Variants in KDM4C observed in about 807,000 individuals in gnomAD.
The protein encoded by KDM4C is lysine-specific demethylase 4C.
In KDM4C, 81 loss-of-function variants were observed where a neutral mutation model predicts 129.3. That is an observed-to-expected ratio of 0.63 (90% confidence interval 0.52 to 0.75). The LOEUF (loss-of-function observed/expected upper bound fraction) is 0.75, where lower values mean the gene tolerates loss of function less well. Among genes scored for constraint, KDM4C ranks in the 30% least tolerant of loss-of-function variants. KDM4C has a pLI of 0.00. For synonymous variants in KDM4C, 573 were observed against 456.1 expected, an observed-to-expected ratio of 1.26 and a Z score of -3.26; for missense variants, 1,457 against 1,304.0, an observed-to-expected ratio of 1.12 and a Z score of -1.81.
intron 9 of KDM4C, among the ~76,000 whole-genome samples, chr9:6,981,495 G>A (rs1262124453): frequency 6.6e-6 from 1 of 152,056 alleles, no homozygotes; most frequent in African/African-American, 2.4e-5. Context: ...GGCTTTAGTG[G>A]TTATCTTCTT....
intron 8 of KDM4C, among the ~76,000 whole-genome samples, chr9:6,954,265 T>C (rs1372597678): frequency 6.6e-6 from 1 of 152,212 alleles, no homozygotes; most frequent in Non-Finnish European, 1.5e-5. Flanking sequence ...CTCCTGAGAC[T>C]CTTGGAATGT....
At chr9:7,137,428 T>C (rs1841328978) in intron 19 of KDM4C, among the ~76,000 whole-genome samples, 1 of 152,244 alleles carries the variant, frequency 6.6e-6, no homozygotes, top group Non-Finnish European at 1.5e-5. Flanking sequence ...TAATATCAGA[T>C]TGTCACCATT....
intron 8 of KDM4C, among the ~76,000 whole-genome samples, chr9:6,936,425 A>G (rs1047598353): frequency 6.6e-6 from 1 of 152,258 alleles, no homozygotes; most frequent in Non-Finnish European, 1.5e-5. Context: ...ATATACATTT[A>G]TAGGTAACAA....
intron 19 of KDM4C, among the ~76,000 whole-genome samples, chr9:7,128,613 T>C (rs1840279900): frequency 6.6e-6 from 1 of 152,224 alleles, no homozygotes; most frequent in South Asian, 2.1e-4. Flanking sequence ...TTTATGACTT[T>C]CTTTTCTTTA....
chr9:7,081,008 G>A (rs569216396), intron 17 of KDM4C, among the ~76,000 whole-genome samples: 2 of 152,322 alleles, frequency 1.3e-5, no homozygotes, highest in African/African-American at 2.4e-5. Context: ...TAAGGCACAC[G>A]ACAGAGACTA....
chr9:7,032,062 T>G (rs951033557), intron 15 of KDM4C, among the ~76,000 whole-genome samples: 4 of 152,238 alleles, frequency 2.6e-5, no homozygotes, highest in African/African-American at 9.6e-5. Flanking sequence ...TTGACATCTT[T>G]GTGAACCACG....
intron 19 of KDM4C, among the ~76,000 whole-genome samples, chr9:7,137,452 T>G (rs1841330366): frequency 6.6e-6 from 1 of 152,238 alleles, no homozygotes; most frequent in Middle Eastern, 3.2e-3. Context: ...TATTGACCCT[T>G]CGATTACTCT....
At chr9:6,937,932 G>A (rs1054185038) in intron 8 of KDM4C, among the ~76,000 whole-genome samples, 6 of 151,988 alleles carry the variant, frequency 3.9e-5, no homozygotes, top group East Asian at 3.9e-4. Context: ...GGCTGGTCTC[G>A]AACTCCTGAC....
intron 4 of KDM4C, among the ~76,000 whole-genome samples, chr9:6,826,927 A>C (rs1199059362): frequency 1.3e-5 from 2 of 152,034 alleles, no homozygotes; most frequent in Non-Finnish European, 2.9e-5. Context: ...GATGGTTTTC[A>C]CAGGTAGAGG....
At chr9:6,882,153 G>A (rs1386659991) in intron 6 of KDM4C, among the ~76,000 whole-genome samples, 3 of 152,078 alleles carry the variant, frequency 2.0e-5, no homozygotes, top group Non-Finnish European at 1.5e-5. Flanking sequence ...ATTTATACAG[G>A]TTTTCCCCAT....
chr9:6,785,418 A>G (rs987742447), intron 1 of KDM4C, among the ~76,000 whole-genome samples: 3 of 150,638 alleles, frequency 2.0e-5, no homozygotes, highest in Non-Finnish European at 3.0e-5. Flanking sequence ...CTCACTGCAA[A>G]CTCTGCCTCC....
intron 15 of KDM4C, among the ~76,000 whole-genome samples, chr9:7,025,393 G>T (rs926351938): frequency 1.3e-4 from 20 of 152,074 alleles, no homozygotes; most frequent in African/African-American, 4.3e-4. Flanking sequence ...TTCTGCCATT[G>T]TATTGTTTGT....
At chr9:7,153,570 G>A (rs1036954180) in intron 19 of KDM4C, among the ~76,000 whole-genome samples, 1 of 152,174 alleles carries the variant, frequency 6.6e-6, no homozygotes, top group Non-Finnish European at 1.5e-5. Flanking sequence ...TGGTTTTGCA[G>A]CTGGGCCTTT....
At chr9:6,899,149 G>A (rs7873365) in intron 8 of KDM4C, among the ~76,000 whole-genome samples, 15,950 of 151,094 alleles carry the variant, frequency 0.11, 1,316 homozygotes, top group East Asian at 0.32. Context: ...GTTTTGCTGC[G>A]CTCTTTTATT....
At chr9:6,935,157 C>T (rs997705537) in intron 8 of KDM4C, among the ~76,000 whole-genome samples, 1 of 152,000 alleles carries the variant, frequency 6.6e-6, no homozygotes, top group African/African-American at 2.4e-5. Flanking sequence ...GCTTTTCTTC[C>T]TACTGTTTTT....
At chr9:6,975,502 C>A (rs1032129388) in intron 8 of KDM4C, among the ~76,000 whole-genome samples, 3 of 152,168 alleles carry the variant, frequency 2.0e-5, no homozygotes, top group African/African-American at 7.2e-5. Flanking sequence ...GTCTCTGTTA[C>A]TTATTAGGTA....
chr9:6,995,826 C>T (rs1331103963), intron 12 of KDM4C, among the ~76,000 whole-genome samples: 1 of 152,114 alleles, frequency 6.6e-6, no homozygotes, highest in African/African-American at 2.4e-5. Context: ...CGCCTGCCAC[C>T]ACGCCCGGCT....
intron 1 of KDM4C, among the ~76,000 whole-genome samples, chr9:6,763,374 T>A (rs1408875138): frequency 6.6e-6 from 1 of 152,190 alleles, no homozygotes; most frequent in Non-Finnish European, 1.5e-5. Flanking sequence ...GAAGCTCAGC[T>A]CAGTTGTCAA....
chr9:6,771,006 C>T (rs2130614549), intron 1 of KDM4C, among the ~76,000 whole-genome samples: 1 of 150,994 alleles, frequency 6.6e-6, no homozygotes, highest in South Asian at 2.1e-4. Flanking sequence ...AAACTCCTGA[C>T]CTCGTGATCC....
Sources: allele counts gnomAD v4.1 joint callset (sites outside exome capture counted in the v4.1 genomes callset), GRCh38; gene constraint gnomAD v4.1.1; transcripts MANE v1.5; gene names NCBI Gene and HGNC (gene_info 2026-07-23, HGNC 2026-07-21).